The following HRH1 variants were observed in gnomAD, a reference collection of about 807,000 sequenced individuals.
HRH1 encodes histamine receptor H1, also known as histamine H1 receptor.
HRH1 carries 6 observed loss-of-function variants against 10.3 expected under a neutral mutation model. The ratio of observed to expected loss-of-function variants is 0.58; its 90% CI spans 0.32 to 1.15. The LOEUF (loss-of-function observed/expected upper bound fraction) is 1.15, where lower values mean the gene tolerates loss of function less well. HRH1 is among the 50% of genes most tolerant of loss of function. The probability of loss-of-function intolerance (pLI) is 0.05; values close to 1 mark genes in which losing one functional copy is unlikely to be tolerated. For missense variants in HRH1, 514 were observed against 615.3 expected (o/e 0.84, Z 1.74); for synonymous variants, 242 against 236.7 (o/e 1.02, Z -0.21).
chr3:11,197,849 T>C (rs1937726528), intron 1 of HRH1, among the ~76,000 whole-genome samples: 1 of 152,216 alleles, frequency 6.6e-6, no homozygotes, highest in Non-Finnish European at 1.5e-5. Context: ...TCTTGGGAAC[T>C]GAGGAAAGAC....
intron 1 of HRH1, chr3:11,234,198 C>G: frequency 8.9e-7 from 1 of 1,124,516 alleles, no homozygotes; most frequent in Non-Finnish European, 1.3e-6. Context: ...ACAACAAGGT[C>G]TTTTGCAAAA....
chr3:11,151,973 T>G (rs1227169460), upstream of HRH1, among the ~76,000 whole-genome samples: 1 of 152,182 alleles, frequency 6.6e-6, no homozygotes, highest in Non-Finnish European at 1.5e-5. Flanking sequence ...ACTCAGGCAT[T>G]GAGGTTGTCC....
intron 1 of HRH1, among the ~76,000 whole-genome samples, chr3:11,200,527 C>G (rs573033167): frequency 6.6e-6 from 1 of 152,296 alleles, no homozygotes; most frequent in African/African-American, 2.4e-5. Flanking sequence ...GCCAGGAAAT[C>G]ATTCCTCCCT....
chr3:11,240,832 AC>A (rs1939317505), intron 1 of HRH1, among the ~76,000 whole-genome samples: 1 of 152,138 alleles, frequency 6.6e-6, no homozygotes, highest in South Asian at 2.1e-4. Context: ...CATGCATGAC[AC>A]CTCTTTCTCA....
chr3:11,248,689 C>G (rs1017274672), intron 1 of HRH1, among the ~76,000 whole-genome samples: 2 of 152,242 alleles, frequency 1.3e-5, no homozygotes, highest in Non-Finnish European at 2.9e-5. Context: ...GCTAACTTCT[C>G]CCCCTGCCAT....
At chr3:11,144,456 G>T (rs1160950236) in intron 1 of HRH1, among the ~76,000 whole-genome samples, 6 of 151,368 alleles carry the variant, frequency 4.0e-5, no homozygotes, top group South Asian at 4.2e-4. Flanking sequence ...TACGTCTATA[G>T]GTATATATAC....
intron 1 of HRH1, among the ~76,000 whole-genome samples, chr3:11,258,177 C>T (rs13087946): frequency 2.0e-4 from 30 of 150,426 alleles, no homozygotes; most frequent in South Asian, 4.2e-4. Flanking sequence ...CCCTTATAAC[C>T]TCCTCCATAT....
chr3:11,249,772 C>A (rs145113323), intron 1 of HRH1, among the ~76,000 whole-genome samples: 1 of 152,156 alleles, frequency 6.6e-6, no homozygotes, highest in Non-Finnish European at 1.5e-5. Flanking sequence ...GGACAAGTTT[C>A]CCAATTAACG....
chr3:11,223,946 C>T (rs891514322), intron 1 of HRH1, among the ~76,000 whole-genome samples: 5 of 152,120 alleles, frequency 3.3e-5, no homozygotes, highest in African/African-American at 4.8e-5. Context: ...ATGACTCTTC[C>T]GCAGCCTTGA....
At chr3:11,185,301 G>A (rs1937434922) in intron 1 of HRH1, among the ~76,000 whole-genome samples, 1 of 152,194 alleles carries the variant, frequency 6.6e-6, no homozygotes, top group African/African-American at 2.4e-5. Context: ...TCTCACTGAT[G>A]AAAACATCCT....
chr3:11,237,562 G>A (rs550507579), intron 1 of HRH1, among the ~76,000 whole-genome samples: 4 of 151,976 alleles, frequency 2.6e-5, no homozygotes, highest in Admixed American at 1.3e-4. Flanking sequence ...TTACCAGCAC[G>A]GTAAACGATT....
chr3:11,243,788 G>A (rs4684766), intron 1 of HRH1, among the ~76,000 whole-genome samples: 101,805 of 152,082 alleles, frequency 0.67, 34,319 homozygotes, highest in East Asian at 0.71. Flanking sequence ...CCTTTCTGAC[G>A]TCCGCATTTT....
chr3:11,147,511 G>T (rs1166289329), intron 1 of HRH1, among the ~76,000 whole-genome samples: 2 of 152,082 alleles, frequency 1.3e-5, no homozygotes, highest in African/African-American at 4.8e-5. Context: ...AGATATTCCA[G>T]TTGAGGAGAA....
At chr3:11,216,307 A>G (rs1208624384) in intron 1 of HRH1, among the ~76,000 whole-genome samples, 1 of 152,230 alleles carries the variant, frequency 6.6e-6, no homozygotes, top group African/African-American at 2.4e-5. Flanking sequence ...GGTCTTGAAG[A>G]GACGTCTATA....
intron 1 of HRH1, among the ~76,000 whole-genome samples, chr3:11,189,277 T>C (rs1010575710): frequency 2.0e-5 from 3 of 152,144 alleles, no homozygotes; most frequent in African/African-American, 7.2e-5. Flanking sequence ...GCTGAGTGGG[T>C]AGGGGAACGG....
intron 1 of HRH1, among the ~76,000 whole-genome samples, chr3:11,148,600 TTACA>T (rs1377141559): frequency 6.6e-6 from 1 of 151,768 alleles, no homozygotes; most frequent in Non-Finnish European, 1.5e-5. Context: ...GCTCCAGGCA[TTACA>T]TCTACGTTCC....
intron 1 of HRH1, among the ~76,000 whole-genome samples, chr3:11,190,295 T>C (rs937725387): frequency 6.6e-6 from 1 of 152,088 alleles, no homozygotes; most frequent in African/African-American, 2.4e-5. Flanking sequence ...GAGGATTGTT[T>C]GAACCCAGGA....
intron 1 of HRH1, among the ~76,000 whole-genome samples, chr3:11,160,144 G>C (rs1244733834): frequency 6.6e-6 from 1 of 152,114 alleles, no homozygotes; most frequent in Non-Finnish European, 1.5e-5. Context: ...AGATTCCATT[G>C]ACCATTCCTG....
At chr3:11,186,131 A>G (rs347624) in intron 1 of HRH1, among the ~76,000 whole-genome samples, 48,351 of 151,912 alleles carry the variant, frequency 0.32, 8,155 homozygotes, top group Admixed American at 0.46. Context: ...AGCCCTTTCA[A>G]TGCTGGGCTC....
Sources: gnomAD v4.1 joint callset for allele counts (sites outside exome capture counted in the v4.1 genomes callset) on GRCh38, gnomAD v4.1.1 for gene constraint, MANE v1.5 for transcripts, NCBI Gene and HGNC (gene_info 2026-07-23, HGNC 2026-07-21) for gene names.